DOCK1: variants seen among roughly 807,000 people sequenced by gnomAD.
DOCK1 encodes dedicator of cytokinesis protein 1.
DOCK1 carries 138 observed loss-of-function variants against 262.7 expected under a neutral mutation model. That is an observed-to-expected ratio of 0.53 (90% confidence interval 0.46 to 0.61). The LOEUF (loss-of-function observed/expected upper bound fraction) is 0.61, where lower values mean the gene tolerates loss of function less well. DOCK1 is among the 20% of genes least tolerant of loss of function. DOCK1 has a pLI of 0.00. For synonymous variants in DOCK1, 866 were observed against 867.4 expected (o/e 1.00, Z 0.03); for missense variants, 1,908 against 2,370.7 (o/e 0.80, Z 4.05).
At chr10:127,086,290 T>C (rs190325220) in intron 23 of DOCK1, among the ~76,000 whole-genome samples, 1 of 151,620 alleles carries the variant, frequency 6.6e-6, no homozygotes, top group Admixed American at 6.6e-5. Flanking sequence ...CACCCACTTA[T>C]GTAGACTTCC....
At chr10:127,188,891 A>G (rs952174199) in intron 27 of DOCK1, among the ~76,000 whole-genome samples, 1 of 152,244 alleles carries the variant, frequency 6.6e-6, no homozygotes, top group African/African-American at 2.4e-5. Context: ...TAGTGGAGTC[A>G]CATGCCAAAG....
At chr10:127,117,952 A>G (rs1053449318) in intron 25 of DOCK1, among the ~76,000 whole-genome samples, 2 of 152,172 alleles carry the variant, frequency 1.3e-5, no homozygotes, top group Non-Finnish European at 1.5e-5. Flanking sequence ...TTTCTTGGGC[A>G]TAAACTCCTC....
chr10:127,091,566 C>A (rs1375150407), intron 23 of DOCK1, among the ~76,000 whole-genome samples: 2 of 152,164 alleles, frequency 1.3e-5, no homozygotes, highest in Non-Finnish European at 2.9e-5. Context: ...AAAGCTCATG[C>A]TGTGTTTGCT....
chr10:127,361,278 T>A (rs932656202), intron 32 of DOCK1, among the ~76,000 whole-genome samples: 34 of 151,656 alleles, frequency 2.2e-4, no homozygotes, highest in African/African-American at 8.3e-4. Flanking sequence ...CACGCCCAGC[T>A]GATTTTTTTG....
At chr10:127,074,869 G>T (rs2046421698) in intron 23 of DOCK1, among the ~76,000 whole-genome samples, 3 of 152,074 alleles carry the variant, frequency 2.0e-5, no homozygotes, top group African/African-American at 2.4e-5. Context: ...AGATTAAAAG[G>T]AGAGGTGTTT....
chr10:127,384,964 A>C (rs1402052540), intron 38 of DOCK1, 55 bp downstream of exon 38: 7 of 1,485,572 alleles, frequency 4.7e-6, no homozygotes, highest in Non-Finnish European at 6.3e-6. Context: ...ACCTACCTGC[A>C]GTGTTGTAAA....
Position 127,213,794 on chromosome 10 carries a change from A to G in DOCK1, c.2848-34214A>G, listed in dbSNP as rs2058082083. Among the ~76,000 whole-genome samples the G allele has an allele frequency of 2.0e-5, 3 of 152,302 alleles. No homozygotes were observed. In the South Asian group the frequency reaches 6.2e-4, roughly 32 times the overall value. On this transcript the variant is annotated intron_variant, in intron 27 of 51. Coordinates refer to ENST00000623213, the MANE Select transcript of DOCK1 (RefSeq NM_001290223.2). ...ACAAGGGGCTGTGAGCTTCCCCTGT[A>G]GACGTTTCTGCCTTATTCCAGCTGA...
intron 27 of DOCK1, among the ~76,000 whole-genome samples, chr10:127,139,803 A>G (rs1229808952): frequency 6.6e-6 from 1 of 152,096 alleles, no homozygotes; most frequent in Non-Finnish European, 1.5e-5. Flanking sequence ...TGTGGTGACA[A>G]TCTCTCCCCA....
At chr10:127,425,791 C>T in intron 46 of DOCK1, 83 bp from the exon 47 acceptor site, 1 of 1,563,936 alleles carries the variant, frequency 6.4e-7, no homozygotes, top group Non-Finnish European at 8.7e-7. Flanking sequence ...ATCGTTTTGC[C>T]AGTTCCCCTT....
At chr10:127,112,203 G>C (rs985065238) in intron 25 of DOCK1, among the ~76,000 whole-genome samples, 2 of 151,864 alleles carry the variant, frequency 1.3e-5, no homozygotes, top group African/African-American at 4.8e-5. Flanking sequence ...GTAGAGATGG[G>C]GTTTCACCAT....
At chr10:127,281,692 A>C (rs2060967933) in intron 29 of DOCK1, among the ~76,000 whole-genome samples, 1 of 152,184 alleles carries the variant, frequency 6.6e-6, no homozygotes, top group South Asian at 2.1e-4. Context: ...GGTCAGCAGA[A>C]GACACGCAGG....
chr10:127,027,587 A>G (rs1287271437), intron 16 of DOCK1, among the ~76,000 whole-genome samples: 1 of 127,216 alleles, frequency 7.9e-6, no homozygotes, highest in Non-Finnish European at 1.6e-5. Flanking sequence ...CCCTGTCTCA[A>G]AAACAAAAAG....
chr10:127,315,182 A>G (rs562232994), intron 29 of DOCK1, among the ~76,000 whole-genome samples: 4 of 152,056 alleles, frequency 2.6e-5, no homozygotes, highest in Non-Finnish European at 5.9e-5. Context: ...GGGTTAGAAG[A>G]TGGTGGTGGT....
chr10:127,330,448 G>T (rs1178140959), intron 29 of DOCK1, among the ~76,000 whole-genome samples: 1 of 152,130 alleles, frequency 6.6e-6, no homozygotes, highest in Non-Finnish European at 1.5e-5. Context: ...GTTGATGAGG[G>T]TGTGGAGAAA....
chr10:126,965,203 TAATTC>T (rs1487332493), intron 1 of DOCK1, among the ~76,000 whole-genome samples: 1 of 152,070 alleles, frequency 6.6e-6, no homozygotes, highest in Non-Finnish European at 1.5e-5. Context: ...GGGGGAGAAA[TAATTC>T]TGTTAGGGCC....
chr10:126,912,971 CT>C (rs1222578938), intron 1 of DOCK1, among the ~76,000 whole-genome samples: 7 of 149,536 alleles, frequency 4.7e-5, no homozygotes, highest in Non-Finnish European at 1.0e-4. Flanking sequence ...TTCCCTCTGT[CT>C]TTAGTGGCCT....
chr10:126,941,232 A>G (rs2034955833), intron 1 of DOCK1, among the ~76,000 whole-genome samples: 1 of 152,200 alleles, frequency 6.6e-6, no homozygotes, highest in Non-Finnish European at 1.5e-5. Flanking sequence ...TAGTGGACAC[A>G]GGGGACAAGA....
intron 3 of DOCK1, among the ~76,000 whole-genome samples, chr10:126,978,778 C>T (rs991485298): frequency 1.3e-5 from 2 of 152,164 alleles, no homozygotes; most frequent in Non-Finnish European, 2.9e-5. Flanking sequence ...ATTTACCTCT[C>T]ATTATCTCCT....
At chr10:127,160,557 T>G (rs2053511716) in intron 27 of DOCK1, among the ~76,000 whole-genome samples, 1 of 152,226 alleles carries the variant, frequency 6.6e-6, no homozygotes, top group Admixed American at 6.5e-5. Context: ...GTTCAGAGCT[T>G]CTAGCATGTC....
Sources: allele counts gnomAD v4.1 joint callset (sites outside exome capture counted in the v4.1 genomes callset), GRCh38; gene constraint gnomAD v4.1.1; transcripts MANE v1.5; gene names NCBI Gene and HGNC (gene_info 2026-07-23, HGNC 2026-07-21).